The following PFN2 variants were observed in gnomAD, a reference collection of about 807,000 sequenced individuals.
PFN2 encodes the protein profilin 2.
In PFN2, 8 loss-of-function variants were observed where a neutral mutation model predicts 15.3. That is an observed-to-expected ratio of 0.52 (90% CI 0.31 to 0.95). The LOEUF (loss-of-function observed/expected upper bound fraction) is 0.95, where lower values mean the gene tolerates loss of function less well. PFN2 is among the 40% of genes least tolerant of loss of function. The pLI is 0.05. For synonymous variants in PFN2, 79 were observed against 67.9 expected, an observed-to-expected ratio of 1.16 and a Z score of -0.81; for missense variants, 111 against 182.3, an observed-to-expected ratio of 0.61 and a Z score of 2.25.
At chr3:149,970,698 A>C in intron 1 of PFN2, 27 bp downstream of exon 1, 1 of 1,489,962 alleles carries the variant, frequency 6.7e-7, no homozygotes. Context: ...TGCAGGGACC[A>C]GGGTACCGGC....
At position 149,966,260 on chromosome 3, in the gene PFN2, C is replaced by G; in HGVS notation, c.*229G>C. 2 of 1,613,216 alleles carry G rather than the reference C, an allele frequency of 1.2e-6. No homozygotes were observed. Among genetic ancestry groups the G allele is most frequent in the Non-Finnish European group, 1.7e-6 (2 of 1,179,572 alleles). The stretch of plus-strand genomic sequence containing the variant: ...CACCTTCCTTTCCCATGACTATAAC[C>G]AATGCTGGAGTACACAAGGAAACAA... On this transcript the variant is annotated 3_prime_UTR_variant, in exon 3 of 3. Transcript: ENST00000239940.
In PFN2 at chr3:149,966,203, A is replaced by T; in HGVS notation, c.*286T>A. The T allele has an allele frequency of 6.2e-7, 1 of 1,613,786 alleles. No homozygotes were observed. Among genetic ancestry groups the T allele is most frequent in the Non-Finnish European group, 8.5e-7 (1 of 1,179,724 alleles). On this transcript the variant is annotated 3_prime_UTR_variant, in exon 3 of 3. Transcript: ENST00000239940. ...ACCTCCTCAGGTATAAAGCGAGTTC[A>T]TATGCTTTCTTGTTAAGTGTGCCTC... is the stretch of plus-strand genomic sequence containing the variant.
In PFN2 at chr3:149,965,110, G is replaced by C; in HGVS notation, c.*1379C>G. 2 of 768,088 alleles carry C rather than the reference G, an allele frequency of 2.6e-6. No homozygotes were observed. The highest frequency in any genetic ancestry group is 4.0e-6 in the Non-Finnish European group (2 of 501,468). 47.6% of individuals were successfully genotyped at this position (768,088 alleles called of 1,614,324 possible). A position where few individuals can be genotyped will look rare whatever the true frequency, so the allele number is the denominator to read the frequency against. Reference sequence around the variant, plus strand: ...GCCCAAACAATAGAAGCAAATACTAGAATGTCCCTAAAGTAGTGCCATTCG... The same window carrying C: ...GCCCAAACAATAGAAGCAAATACTACAATGTCCCTAAAGTAGTGCCATTCG... On this transcript the variant is annotated 3_prime_UTR_variant, in exon 3 of 3. Transcript: ENST00000239940.
chr3:149,970,619 C>T, intron 1 of PFN2, 106 bp downstream of exon 1: 1 of 1,188,952 alleles, frequency 8.4e-7, no homozygotes, highest in East Asian at 3.4e-5. Context: ...CCTAGCACAC[C>T]TGCGGGCTCG....
At chr3:149,968,139 A>T (rs1722742562) in intron 2 of PFN2, 3 of 456,140 alleles carry the variant, frequency 6.6e-6, no homozygotes, top group Middle Eastern at 5.6e-4. Flanking sequence ...AGTTCATACG[A>T]ATATTCTATC....
Position 149,965,824 on chromosome 3 carries a change from G to C in PFN2, c.*665C>G, listed in dbSNP as rs1722673983. 9.1e-7 allele frequency: 1 copy of C among 1,099,876 alleles called. No homozygotes were observed. Among genetic ancestry groups the C allele is most frequent in the Admixed American group, 4.7e-5 (1 of 21,482 alleles). 68.1% of individuals were successfully genotyped at this position (1,099,876 alleles called of 1,614,324 possible). A position where few individuals can be genotyped will look rare whatever the true frequency, so the allele number is the denominator to read the frequency against. ...AAGTAAATGCTCAAAGTGCTGAAAAGACACTGATCAGAGATTGTACAACCG... is the reference window on the plus strand; with the variant it reads ...AAGTAAATGCTCAAAGTGCTGAAAACACACTGATCAGAGATTGTACAACCG... On this transcript the variant is annotated 3_prime_UTR_variant, in exon 3 of 3. Coordinates refer to ENST00000239940, the MANE Select transcript of PFN2 (RefSeq NM_053024.4).
Position 149,966,131 on chromosome 3 carries a change from A to T in PFN2, c.*358T>A. Reference sequence around the variant, plus strand: ...ATTGTGACCATAATTAGGGTTGTTGATGAAGACAGTTGCTAGGTAGATGGG... The same window carrying T: ...ATTGTGACCATAATTAGGGTTGTTGTTGAAGACAGTTGCTAGGTAGATGGG... On this transcript the variant is annotated 3_prime_UTR_variant, in exon 3 of 3. Transcript: ENST00000239940. 6.2e-7 allele frequency: 1 copy of T among 1,601,790 alleles called. No homozygotes were observed. Among genetic ancestry groups the T allele is most frequent in the South Asian group, 1.1e-5 (1 of 88,752 alleles).
Position 149,965,318 on chromosome 3 carries a change from G to C in PFN2, c.*1171C>G. 1 of 1,533,280 alleles carries C rather than the reference G, an allele frequency of 6.5e-7. No individual in the cohort carries two copies. The highest frequency in any genetic ancestry group is 8.7e-7 in the Non-Finnish European group (1 of 1,145,806). 95.0% of individuals were successfully genotyped at this position (1,533,280 alleles called of 1,614,324 possible). On this transcript the variant is annotated 3_prime_UTR_variant, in exon 3 of 3. Transcript: ENST00000239940. ...AATTGGTCCTATGAAGAACAAACTGGACACACTCCAGATGGTTATGTTGGG... is the reference window on the plus strand; with the variant it reads ...AATTGGTCCTATGAAGAACAAACTGCACACACTCCAGATGGTTATGTTGGG...
intron 1 of PFN2, 106 bp from the exon 2 acceptor site, chr3:149,968,656 A>G (rs1053767796): frequency 8.1e-6 from 7 of 864,756 alleles, no homozygotes. Flanking sequence ...GGCTTATGCT[A>G]CCACTGCCAG....
At chr3:149,969,477 A>G (rs968676854) in intron 1 of PFN2, among the ~76,000 whole-genome samples, 3 of 152,238 alleles carry the variant, frequency 2.0e-5, no homozygotes, top group Non-Finnish European at 4.4e-5. Flanking sequence ...GGACTGCAGG[A>G]AAAAAGTTGA....
chr3:149,968,481 C>T lies in PFN2; in HGVS notation c.202G>A (p.Ala68Thr). The T allele has an allele frequency of 5.6e-6, 9 of 1,613,832 alleles. No individual in the cohort carries two copies. Among genetic ancestry groups the T allele is most frequent in the South Asian group, 2.2e-5 (2 of 91,078 alleles). ...GFFTNGLTLGAKKCSVIRDSL... is the reference protein window; with the variant it reads ...GFFTNGLTLGTKKCSVIRDSL... The stretch of plus-strand genomic sequence containing the variant: ...TCTCTGATCACTGAGCATTTCTTCG[C>T]GCCAAGAGTCAAACCGTTGGTAAAG... The change falls in exon 2 of 3, where the codon GCG becomes ACG. Residue 68 changes from alanine (A) to threonine (T), a missense_variant. Physicochemically the swap from Ala to Thr is moderately conservative, Grantham distance 58 (BLOSUM62 0). Transcript: ENST00000239940.
intron 2 of PFN2, among the ~76,000 whole-genome samples, chr3:149,967,151 C>T (rs778312632): frequency 6.6e-6 from 1 of 152,064 alleles, no homozygotes; most frequent in Non-Finnish European, 1.5e-5. Context: ...ATAACTTCAC[C>T]GTAGTAGCCT....
In PFN2 at chr3:149,966,264, G is replaced by A; in HGVS notation, c.*225C>T. 1 of 1,612,722 alleles carries A rather than the reference G, an allele frequency of 6.2e-7. No homozygotes were observed. ...TTCCTTTCCCATGACTATAACCAAT[G>A]CTGGAGTACACAAGGAAACAAAACA... On this transcript the variant is annotated 3_prime_UTR_variant, in exon 3 of 3. Transcript: ENST00000239940.
rs1722692447 is a variant in PFN2 at position 149,966,352 on chromosome 3, G to C, written c.*137C>G. The C allele has an allele frequency of 1.3e-6, 2 of 1,593,212 alleles. No homozygotes were observed. Among genetic ancestry groups the C allele is most frequent in the East Asian group, 2.2e-5 (1 of 44,804 alleles). On this transcript the variant is annotated 3_prime_UTR_variant, in exon 3 of 3. Coordinates refer to ENST00000239940, the MANE Select transcript of PFN2 (RefSeq NM_053024.4). ...AGAAAGACACCTTTCCCCACCAACA[G>C]AGGGATACAAAGGAGACACAGGTTC...
At position 149,965,159 on chromosome 3, in the gene PFN2, T is replaced by A. The variant is rs2108628659; in HGVS notation, c.*1330A>T. 2 of 1,358,970 alleles carry A rather than the reference T, an allele frequency of 1.5e-6. No homozygotes were observed. The highest frequency in any genetic ancestry group is 5.0e-5 in the East Asian group (2 of 39,764). The allele number at this position is 1,358,970 out of a possible 1,614,324, so 84.2% of individuals were successfully genotyped here. A position where few individuals can be genotyped will look rare whatever the true frequency, so the allele number is the denominator to read the frequency against. ...CGAAAGAAACCCTTAATAGGTCAGT[T>A]AAAATCCATCTCACAATAGCAACAG... is the stretch of plus-strand genomic sequence containing the variant. On this transcript the variant is annotated 3_prime_UTR_variant, in exon 3 of 3. Coordinates refer to ENST00000239940, the MANE Select transcript of PFN2 (RefSeq NM_053024.4).
Position 149,965,689 on chromosome 3 carries a change from A to G in PFN2, c.*800T>C. On this transcript the variant is annotated 3_prime_UTR_variant, in exon 3 of 3. Transcript: ENST00000239940. ...GCATAAAAAAAGATGGAAGCAAACC[A>G]AATGCCTATGTGCGAAGGGAGGGGG... 1.0e-6 allele frequency: 1 copy of G among 958,328 alleles called. No homozygotes were observed. Among genetic ancestry groups the G allele is most frequent in the Non-Finnish European group, 1.2e-6 (1 of 810,732 alleles). The allele number at this position is 958,328 out of a possible 1,614,324, so 59.4% of individuals were successfully genotyped here.
At chr3:149,970,553 G>T in intron 1 of PFN2, 172 bp downstream of exon 1, 1 of 521,368 alleles carries the variant, frequency 1.9e-6, no homozygotes, top group Non-Finnish European at 2.9e-6. Flanking sequence ...GTGAGGGGGC[G>T]TCCCCGGGCC....
At chr3:149,970,271 G>C (rs1369579026) in intron 1 of PFN2, 1 of 152,322 alleles carries the variant, frequency 6.6e-6, no homozygotes, top group Non-Finnish European at 1.5e-5. Context: ...CGGCCAGAGA[G>C]CCTAGGGACC....
chr3:149,970,427 T>G, intron 1 of PFN2: 1 of 248,300 alleles, frequency 4.0e-6, no homozygotes, highest in Non-Finnish European at 7.6e-6. Flanking sequence ...CCCTGGCCGG[T>G]GCGTGCCCCC....
Sources: allele counts gnomAD v4.1 joint callset (sites outside exome capture counted in the v4.1 genomes callset), GRCh38; gene constraint gnomAD v4.1.1; transcripts MANE v1.5; gene names NCBI Gene and HGNC (gene_info 2026-07-23, HGNC 2026-07-21).